Variants in ALDH18A1 observed in about 807,000 individuals in gnomAD.
ALDH18A1 encodes the protein delta-1-pyrroline-5-carboxylate synthase.
In ALDH18A1, 44 loss-of-function variants were observed where a neutral mutation model predicts 88.8. The ratio of observed to expected loss-of-function variants is 0.50; its 90% CI spans 0.39 to 0.64. ALDH18A1 has a LOEUF of 0.64. ALDH18A1 is among the 30% of genes least tolerant of loss of function. The pLI is 0.00. For synonymous variants in ALDH18A1, 331 were observed against 372.1 expected, an observed-to-expected ratio of 0.89 and a Z score of 1.27; for missense variants, 782 against 1,009.5, an observed-to-expected ratio of 0.77 and a Z score of 3.05.
Position 95,621,074 on chromosome 10 carries a change from A to G in ALDH18A1, c.1424T>C (p.Val475Ala). The G allele has an allele frequency of 6.2e-7, 1 of 1,614,072 alleles. No individual in the cohort carries two copies. The highest frequency in any genetic ancestry group is 2.2e-5 in the East Asian group (1 of 44,876). Residue 475 changes from valine (V) to alanine (A), a missense_variant, in exon 12 of 18, where the codon GTT (valine) becomes GCT (alanine). Val to Ala is a moderately conservative substitution (Grantham distance 64, BLOSUM62 0). This residue lies in a region of ALDH18A1 where 556 missense variants were observed against 654.5 expected (regional missense o/e 0.85). Transcript: ENST00000371224. ...ELEQVTVPIG[V>A]LLVIFESRPD... ...ACGAGATTCAAAGATCACCAGCAGA[A>G]CTCCAATTGGGACAGTCACTTGTTC... is the stretch of plus-strand genomic sequence containing the variant.
chr10:95,616,450 T>C (rs2097844326), intron 13 of ALDH18A1, 27 bp downstream of exon 13: 3 of 1,555,424 alleles, frequency 1.9e-6, no homozygotes, highest in Non-Finnish European at 2.6e-6. Flanking sequence ...CCTCTGGGCC[T>C]GACTTGGTGC....
intron 3 of ALDH18A1, among the ~76,000 whole-genome samples, chr10:95,639,556 A>C (rs1194220115): frequency 6.6e-6 from 1 of 151,468 alleles, no homozygotes; most frequent in African/African-American, 2.4e-5. Context: ...TAACTGCTAA[A>C]AGATAATCAT....
chr10:95,639,808 T>G (rs2097887933), intron 3 of ALDH18A1, among the ~76,000 whole-genome samples: 1 of 152,174 alleles, frequency 6.6e-6, no homozygotes, highest in Non-Finnish European at 1.5e-5. Context: ...AATTTTTTGT[T>G]AAACTGAGTT....
Position 95,628,726 on chromosome 10 carries a change from A to G in ALDH18A1, c.809-234T>C. The G allele has an allele frequency of 3.9e-6, 2 of 517,220 alleles. 1 individual carries two copies. The highest frequency in any genetic ancestry group is 4.1e-5 in the South Asian group (2 of 49,046). 32.0% of individuals were successfully genotyped at this position (517,220 alleles called of 1,614,324 possible). A position where few individuals can be genotyped will look rare whatever the true frequency, so the allele number is the denominator to read the frequency against. On this transcript the variant is annotated intron_variant, in intron 7 of 17. Coordinates refer to ENST00000371224, the MANE Select transcript of ALDH18A1 (RefSeq NM_002860.4). Reference sequence around the variant, plus strand: ...TGGCTTAATAAATAAATGTTTCCCAACATCAGATCATGGCCATATCCTCAG... The same window carrying G: ...TGGCTTAATAAATAAATGTTTCCCAGCATCAGATCATGGCCATATCCTCAG...
chr10:95,606,653 AC>A lies in ALDH18A1; in HGVS notation c.*108del. ...CAGAAGCATCCAGGTACACTTTCCA[AC>A]AGGCAGACCCTACCAGGAACTGGGA... On this transcript the variant is annotated 3_prime_UTR_variant, in exon 18 of 18. Transcript: ENST00000371224. 1 of 1,608,966 alleles carries A rather than the reference AC, an allele frequency of 6.2e-7. No individual in the cohort carries two copies. The highest frequency in any genetic ancestry group is 8.5e-7 in the Non-Finnish European group (1 of 1,179,294).
intron 11 of ALDH18A1, among the ~76,000 whole-genome samples, chr10:95,623,336 C>G (rs1025648652): frequency 6.6e-6 from 1 of 152,146 alleles, no homozygotes; most frequent in Non-Finnish European, 1.5e-5. Flanking sequence ...AAATGCTCAG[C>G]TTGTTTCCAG....
At chr10:95,632,838 T>C in intron 7 of ALDH18A1, 121 bp downstream of exon 7, 2 of 844,746 alleles carry the variant, frequency 2.4e-6, no homozygotes, top group African/African-American at 1.7e-5. Flanking sequence ...TCAGAACATA[T>C]GGCTAATGAT....
At chr10:95,656,223 G>T (rs1021093453) in intron 1 of ALDH18A1, among the ~76,000 whole-genome samples, 1 of 152,122 alleles carries the variant, frequency 6.6e-6, no homozygotes, top group African/African-American at 2.4e-5. Flanking sequence ...ACCAGTGCAG[G>T]CTCCATACTC....
intron 16 of ALDH18A1, 82 bp downstream of exon 16, chr10:95,611,174 G>T: frequency 6.5e-7 from 1 of 1,532,192 alleles, no homozygotes. Context: ...ATGTTTTTCT[G>T]CAGCCCAAGG....
chr10:95,653,776 C>G lies in ALDH18A1; in HGVS notation c.-28-371G>C, dbSNP rs747196110. 1.2e-4 allele frequency among the ~76,000 whole-genome samples: 18 copies of G among 152,196 alleles called. 1 individual carries two copies. The highest frequency in any genetic ancestry group is 2.4e-4 in the Non-Finnish European group (16 of 68,040). ...CTGTAACAGATCCAACATCCTAAAG[C>G]AATCATGTCCACCTTTCTGCTAACA... On this transcript the variant is annotated intron_variant, in intron 1 of 17. Transcript: ENST00000371224.
intron 2 of ALDH18A1, among the ~76,000 whole-genome samples, chr10:95,643,447 TACAA>T (rs780890245): frequency 2.3e-4 from 35 of 152,072 alleles, no homozygotes; most frequent in Non-Finnish European, 4.6e-4. Flanking sequence ...TGGTGAAGAG[TACAA>T]ACAAATTAAT....
intron 7 of ALDH18A1, among the ~76,000 whole-genome samples, chr10:95,630,579 C>T (rs1417665874): frequency 2.2e-5 from 3 of 137,048 alleles, no homozygotes; most frequent in African/African-American, 7.5e-5. Context: ...GGCGTGATAG[C>T]GCACACCTGT....
intron 8 of ALDH18A1, among the ~76,000 whole-genome samples, chr10:95,628,095 T>A (rs915123501): frequency 1.3e-5 from 2 of 152,226 alleles, no homozygotes; most frequent in African/African-American, 2.4e-5. Context: ...GAGAGATTTA[T>A]GAATTATGAA....
intron 2 of ALDH18A1, among the ~76,000 whole-genome samples, chr10:95,652,836 C>T (rs1038446778): frequency 6.6e-6 from 1 of 152,146 alleles, no homozygotes; most frequent in Non-Finnish European, 1.5e-5. Flanking sequence ...TGCTATTTGG[C>T]AGAATTTTGT....
chr10:95,624,190 G>T (rs1205978775), intron 11 of ALDH18A1, among the ~76,000 whole-genome samples: 1 of 152,228 alleles, frequency 6.6e-6, no homozygotes, highest in African/African-American at 2.4e-5. Flanking sequence ...CCCGAACTGG[G>T]ATTGCTAAGC....
At chr10:95,621,593 C>T (rs972381987) in intron 11 of ALDH18A1, among the ~76,000 whole-genome samples, 27 of 151,972 alleles carry the variant, frequency 1.8e-4, no homozygotes, top group Middle Eastern at 3.4e-3. Flanking sequence ...ATTACAAGTG[C>T]GAGCCACCGT....
intron 3 of ALDH18A1, among the ~76,000 whole-genome samples, chr10:95,639,921 C>CTT (rs879698425): frequency 7.0e-6 from 1 of 142,914 alleles, no homozygotes; most frequent in Admixed American, 7.0e-5. Flanking sequence ...GGTATGAAGG[C>CTT]TTTTTTTTTT....
intron 5 of ALDH18A1, 31 bp downstream of exon 5, chr10:95,637,062 C>A (rs956781140): frequency 6.2e-7 from 1 of 1,604,130 alleles, no homozygotes; most frequent in Non-Finnish European, 8.5e-7. Flanking sequence ...CCTCACAGGT[C>A]CCACACCCAT....
At chr10:95,642,554 G>A (rs1238280865) in intron 3 of ALDH18A1, among the ~76,000 whole-genome samples, 1 of 152,102 alleles carries the variant, frequency 6.6e-6, no homozygotes, top group East Asian at 1.9e-4. Flanking sequence ...GGTCCAGGCT[G>A]CAGTGAGCCA....
Sources: gnomAD v4.1 joint callset for allele counts (sites outside exome capture counted in the v4.1 genomes callset) on GRCh38, gnomAD v4.1.1 for gene constraint, gnomAD v4.1.1 regional missense constraint, MANE v1.5 for transcripts, NCBI Gene and HGNC (gene_info 2026-07-23, HGNC 2026-07-21) for gene names.